NOD2: variants seen among roughly 807,000 people sequenced by gnomAD.
NOD2 encodes nucleotide binding oligomerization domain containing 2.
Under a neutral mutation model 90.9 loss-of-function variants are expected in NOD2, and 86 were observed. The ratio of observed to expected loss-of-function variants is 0.95; its 90% CI spans 0.79 to 1.13. The LOEUF (loss-of-function observed/expected upper bound fraction) is 1.13, where lower values mean the gene tolerates loss of function less well. Among genes scored for constraint, NOD2 ranks in the 50% most tolerant of loss-of-function variants. The pLI is 0.00. For missense variants in NOD2, 1,238 were observed against 1,283.8 expected, an observed-to-expected ratio of 0.96 and a Z score of 0.55; for synonymous variants, 581 against 554.6, an observed-to-expected ratio of 1.05 and a Z score of -0.67.
intron 2 of NOD2, among the ~76,000 whole-genome samples, chr16:50,705,194 G>A (rs13339578): frequency 0.63 from 95,101 of 152,024 alleles, 30,746 homozygotes; most frequent in Non-Finnish European, 0.69. Flanking sequence ...AATTTGCAAG[G>A]GGTAGGTTTG....
chr16:50,730,491 G>T (rs2150844384), intron 11 of NOD2, among the ~76,000 whole-genome samples: 1 of 152,294 alleles, frequency 6.6e-6, no homozygotes. Flanking sequence ...TGTCCTTCTT[G>T]TTTCCAGGGA....
chr16:50,699,607 G>T lies in NOD2; in HGVS notation c.112G>T (p.Val38Phe). The change falls in exon 2 of 12, where the codon GTC becomes TTC. Residue 38 changes from valine (V) to phenylalanine (F), a missense_variant. Around this residue, in one of 3 missense-constraint regions of NOD2, gnomAD observed 567 missense variants for 577.3 expected, o/e 0.98. Coordinates refer to ENST00000647318, the MANE Select transcript of NOD2 (RefSeq NM_001370466.1). ...SVLDWLLSWE[V>F]LSWEDYEGFH... is the part of the protein sequence containing the mutation. Reference sequence around the variant, plus strand: ...CCTGGACTGGCTGCTGTCCTGGGAGGTCCTCTCCTGGGAGGACTACGAGGG... The same window carrying T: ...CCTGGACTGGCTGCTGTCCTGGGAGTTCCTCTCCTGGGAGGACTACGAGGG... The T allele has an allele frequency of 4.3e-6, 7 of 1,614,100 alleles. No homozygotes were observed. Among genetic ancestry groups the T allele is most frequent in the Non-Finnish European group, 5.9e-6 (7 of 1,180,018 alleles).
At chr16:50,705,338 A>G (rs913975485) in intron 2 of NOD2, among the ~76,000 whole-genome samples, 5 of 152,166 alleles carry the variant, frequency 3.3e-5, no homozygotes, top group African/African-American at 1.2e-4. Context: ...TTTTTCTACA[A>G]GTTTCTTTCC....
Position 50,731,848 on chromosome 16 carries a change from T to C in NOD2, c.*29T>C, listed in dbSNP as rs1367723536. 1 of 1,577,118 alleles carries C rather than the reference T, an allele frequency of 6.3e-7. No homozygotes were observed. Among genetic ancestry groups the C allele is most frequent in the Non-Finnish European group, 8.7e-7 (1 of 1,146,906 alleles). On this transcript the variant is annotated 3_prime_UTR_variant, in exon 12 of 12. Coordinates refer to ENST00000647318, the MANE Select transcript of NOD2 (RefSeq NM_001370466.1). ...CTCCGGGAGGATGTTCGTCTCAGTT[T>C]GTTTGTGAGCAGGCTGTGAGTTTGG... is the stretch of plus-strand genomic sequence containing the variant.
At position 50,712,317 on chromosome 16, in the gene NOD2, G is replaced by C. The variant is rs104895495; in HGVS notation, c.2325G>C (p.Val775=). 1 of 1,614,046 alleles carries C rather than the reference G, an allele frequency of 6.2e-7. No homozygotes were observed. The highest frequency in any genetic ancestry group is 2.2e-5 in the East Asian group (1 of 44,886). Residue 775 remains valine (V), a synonymous_variant, in exon 4 of 12, where the codon GTG becomes GTC. Coordinates refer to ENST00000647318, the MANE Select transcript of NOD2 (RefSeq NM_001370466.1). ...PVALQLDYNS[V]GDIGVEQLLP... Reference sequence around the variant, plus strand: ...CCCTGCAGCTGGACTACAACTCTGTGGGTGACATTGGCGTGGAGCAGCTGC... The same window carrying C: ...CCCTGCAGCTGGACTACAACTCTGTCGGTGACATTGGCGTGGAGCAGCTGC...
At chr16:50,728,403 T>A in intron 10 of NOD2, 1 of 294,128 alleles carries the variant, frequency 3.4e-6, no homozygotes, top group Non-Finnish European at 6.7e-6. Flanking sequence ...TGAATTCAAA[T>A]AAGAAAATTG....
At chr16:50,707,805 T>C in intron 2 of NOD2, 50 bp from the exon 3 acceptor site, 2 of 1,288,336 alleles carry the variant, frequency 1.6e-6, no homozygotes, top group South Asian at 1.2e-5. Flanking sequence ...CCTTCCCACA[T>C]TGCTCCATCA....
intron 3 of NOD2, among the ~76,000 whole-genome samples, chr16:50,709,361 T>C (rs1040687635): frequency 6.6e-6 from 1 of 152,134 alleles, no homozygotes; most frequent in Admixed American, 6.5e-5. Context: ...CAGTGTTTGG[T>C]TGGGGGCAGT....
Position 50,725,483 on chromosome 16 carries a change from C to T in NOD2, c.2802-6C>T. ...TCAACTGGATTTTCTCTCTTCTTCT[C>T]ACCAGCCTGGAGGAGAACCATCTCC... On this transcript the variant is annotated splice_polypyrimidine_tract_variant and splice_region_variant and intron_variant, in intron 9 of 11. Transcript: ENST00000647318. 2 of 1,611,466 alleles carry T rather than the reference C, an allele frequency of 1.2e-6. No individual in the cohort carries two copies. Among genetic ancestry groups the T allele is most frequent in the Non-Finnish European group, 1.7e-6 (2 of 1,177,622 alleles).
At chr16:50,706,871 TA>T (rs1964218115) in intron 2 of NOD2, among the ~76,000 whole-genome samples, 1 of 152,028 alleles carries the variant, frequency 6.6e-6, no homozygotes, top group South Asian at 2.1e-4. Context: ...TAATTTTTTG[TA>T]TTTTTAGTAG....
intron 11 of NOD2, 81 bp downstream of exon 11, chr16:50,729,982 A>C (rs577375020): frequency 1.0e-6 from 1 of 997,184 alleles, no homozygotes; most frequent in South Asian, 1.3e-5. Context: ...GGAGAGAGGA[A>C]TGGCAGAATT....
intron 1 of NOD2, among the ~76,000 whole-genome samples, chr16:50,698,815 C>T (rs530022906): frequency 5.3e-5 from 8 of 152,182 alleles, no homozygotes; most frequent in African/African-American, 1.4e-4. Flanking sequence ...TAATATTAGC[C>T]GTTACTGAAA....
Position 50,712,327 on chromosome 16 carries a change from G to C in NOD2, c.2335G>C (p.Gly779Arg). The C allele has an allele frequency of 6.2e-7, 1 of 1,614,046 alleles. No homozygotes were observed. The highest frequency in any genetic ancestry group is 8.5e-7 in the Non-Finnish European group (1 of 1,180,038). The stretch of plus-strand genomic sequence containing the variant: ...GGACTACAACTCTGTGGGTGACATT[G>C]GCGTGGAGCAGCTGCTGCCTTGCCT... ...QLDYNSVGDIGVEQLLPCLGV... is the reference protein window; with the variant it reads ...QLDYNSVGDIRVEQLLPCLGV... Residue 779 changes from glycine to arginine, a missense_variant, in exon 4 of 12, where the codon GGC becomes CGC. Gly to Arg is a moderately radical substitution (Grantham distance 125, BLOSUM62 -2). Coordinates refer to ENST00000647318, the MANE Select transcript of NOD2 (RefSeq NM_001370466.1).
At position 50,706,944 on chromosome 16, in the gene NOD2, C is replaced by T. The variant is rs146912653; in HGVS notation, c.460-911C>T. 1.1e-3 allele frequency among the ~76,000 whole-genome samples: 174 copies of T among 152,206 alleles called. 2 individuals carry two copies. The South Asian group carries it at 0.024, about 21-fold the overall frequency. ...AACTCCGGACCTTAGGGGATCTACC[C>T]GCCTTGGCCTCCCAAATTGCTGGGA... On this transcript the variant is annotated intron_variant, in intron 2 of 11. Coordinates refer to ENST00000647318, the MANE Select transcript of NOD2 (RefSeq NM_001370466.1).
intron 2 of NOD2, among the ~76,000 whole-genome samples, chr16:50,702,749 T>C (rs981109808): frequency 6.6e-6 from 1 of 152,246 alleles, no homozygotes; most frequent in Admixed American, 6.5e-5. Flanking sequence ...AAGGGTATAG[T>C]GTGACTACAC....
chr16:50,714,586 G>A (rs1964692688), intron 4 of NOD2, among the ~76,000 whole-genome samples: 1 of 151,374 alleles, frequency 6.6e-6, no homozygotes, highest in Non-Finnish European at 1.5e-5. Context: ...GCAACCATGA[G>A]GTTGCTGTGA....
intron 10 of NOD2, among the ~76,000 whole-genome samples, chr16:50,726,203 A>G (rs573195454): frequency 6.6e-6 from 1 of 150,780 alleles, no homozygotes; most frequent in Non-Finnish European, 1.5e-5. Context: ...GAACCCACCT[A>G]GTGACCATCA....
At chr16:50,730,566 T>C (rs1965420607) in intron 11 of NOD2, among the ~76,000 whole-genome samples, 1 of 152,212 alleles carries the variant, frequency 6.6e-6, no homozygotes, top group Admixed American at 6.5e-5. Context: ...AATGCTACTA[T>C]ATATGTTCCA....
At chr16:50,706,272 G>C (rs1374609065) in intron 2 of NOD2, among the ~76,000 whole-genome samples, 1 of 152,226 alleles carries the variant, frequency 6.6e-6, no homozygotes, top group Non-Finnish European at 1.5e-5. Context: ...CGTGGTTCTA[G>C]ACAGGTATTT....
Sources: allele counts gnomAD v4.1 joint callset (sites outside exome capture counted in the v4.1 genomes callset), GRCh38; gene constraint gnomAD v4.1.1; regional missense constraint gnomAD v4.1.1; transcripts MANE v1.5; gene names NCBI Gene and HGNC (gene_info 2026-07-23, HGNC 2026-07-21).